Variants in RALYL observed in about 807,000 individuals in gnomAD.
RALYL encodes RNA-binding Raly-like protein.
In RALYL, 29 loss-of-function variants were observed where a neutral mutation model predicts 35.1. The ratio of observed to expected loss-of-function variants is 0.83; its 90% confidence interval spans 0.61 to 1.13. RALYL has a LOEUF of 1.13. Among genes scored for constraint, RALYL ranks in the 50% most tolerant of loss-of-function variants. RALYL has a pLI of 0.00. For synonymous variants in RALYL, 120 were observed against 127.6 expected, an observed-to-expected ratio of 0.94 and a Z score of 0.40; for missense variants, 359 against 360.4, an observed-to-expected ratio of 1.00 and a Z score of 0.03.
At chr8:84,243,511 T>TG (rs1828443040) in intron 1 of RALYL, among the ~76,000 whole-genome samples, 1 of 149,444 alleles carries the variant, frequency 6.7e-6, no homozygotes, top group Non-Finnish European at 1.5e-5. Flanking sequence ...CTTTTTTTTT[T>TG]TTTTTTTTTT....
intron 8 of RALYL, among the ~76,000 whole-genome samples, chr8:84,907,318 A>T (rs879268646): frequency 0.029 from 3,126 of 109,270 alleles, 67 homozygotes; most frequent in East Asian, 0.11. Context: ...CGTCACACAC[A>T]CACACACACA....
intron 1 of RALYL, among the ~76,000 whole-genome samples, chr8:84,200,284 A>G (rs762261295): frequency 1.3e-5 from 2 of 152,146 alleles, no homozygotes; most frequent in Admixed American, 6.6e-5. Flanking sequence ...TGAGACTGAT[A>G]TAGGATAGCA....
chr8:84,386,419 T>C (rs924493482), intron 1 of RALYL, among the ~76,000 whole-genome samples: 2 of 151,944 alleles, frequency 1.3e-5, no homozygotes, highest in Non-Finnish European at 2.9e-5. Flanking sequence ...GGTAATATAA[T>C]TGTTAATTTT....
At position 84,335,191 on chromosome 8, in the gene RALYL, A is replaced by G. The variant is rs1002145666; in HGVS notation, c.-24+150767A>G. On this transcript the variant is annotated intron_variant, in intron 1 of 8. Transcript: ENST00000521268. ...TGGAACATCTCCACAGCCTTCAGAG[A>G]TTCCTCACAAGAGCTTCTGGTTGCA... 4.6e-5 allele frequency among the ~76,000 whole-genome samples: 7 copies of G among 152,226 alleles called. No homozygotes were observed. In the South Asian group the frequency reaches 1.0e-3, roughly 23 times the overall value.
intron 7 of RALYL, among the ~76,000 whole-genome samples, chr8:84,886,224 AATT>A: frequency 6.6e-6 from 1 of 152,166 alleles, no homozygotes; most frequent in East Asian, 1.9e-4. Context: ...TTATAAAAGT[AATT>A]ATTATTTTAA....
chr8:84,602,355 G>C (rs1482127035), intron 2 of RALYL, among the ~76,000 whole-genome samples: 2 of 152,002 alleles, frequency 1.3e-5, no homozygotes, highest in Non-Finnish European at 2.9e-5. Context: ...ACCACATTCT[G>C]TTCAATTGTA....
chr8:84,536,309 A>G (rs1249866768), intron 2 of RALYL, among the ~76,000 whole-genome samples: 2 of 152,216 alleles, frequency 1.3e-5, no homozygotes, highest in Non-Finnish European at 2.9e-5. Flanking sequence ...GCTCAGGACG[A>G]TCTTCAAATA....
At chr8:84,507,725 A>G (rs1230889901) in intron 1 of RALYL, among the ~76,000 whole-genome samples, 2 of 152,150 alleles carry the variant, frequency 1.3e-5, no homozygotes, top group Admixed American at 6.6e-5. Context: ...CCTTGTATCC[A>G]CAGAGGTTTG....
At chr8:84,471,740 T>C (rs965310998) in intron 1 of RALYL, among the ~76,000 whole-genome samples, 1 of 152,184 alleles carries the variant, frequency 6.6e-6, no homozygotes, top group Non-Finnish European at 1.5e-5. Flanking sequence ...TTGACAAATT[T>C]CTTAAACATT....
chr8:84,412,277 A>T (rs577847958), intron 1 of RALYL, among the ~76,000 whole-genome samples: 2 of 152,044 alleles, frequency 1.3e-5, no homozygotes, highest in South Asian at 2.1e-4. Flanking sequence ...AATTTGGAAA[A>T]TCAGGCAAGC....
At chr8:84,724,760 A>G (rs965084493) in intron 2 of RALYL, among the ~76,000 whole-genome samples, 2 of 151,906 alleles carry the variant, frequency 1.3e-5, no homozygotes, top group Admixed American at 6.6e-5. Context: ...AAGATTTTGT[A>G]GGCAAATTTC....
intron 4 of RALYL, among the ~76,000 whole-genome samples, chr8:84,840,546 G>A (rs1021160386): frequency 2.0e-5 from 3 of 152,178 alleles, no homozygotes; most frequent in Non-Finnish European, 4.4e-5. Flanking sequence ...ACACTCTGCA[G>A]GATATTATCC....
intron 1 of RALYL, among the ~76,000 whole-genome samples, chr8:84,277,570 A>T (rs190695955): frequency 6.6e-6 from 1 of 152,228 alleles, no homozygotes; most frequent in Non-Finnish European, 1.5e-5. Flanking sequence ...CCAAAGTCAC[A>T]TCTGAGACAA....
chr8:84,763,133 G>A (rs554759708), intron 2 of RALYL, among the ~76,000 whole-genome samples: 54 of 151,932 alleles, frequency 3.6e-4, no homozygotes, highest in Non-Finnish European at 1.9e-4. Flanking sequence ...TAGCAGCCTC[G>A]GTTTTTTAAA....
At chr8:84,864,812 G>T in intron 6 of RALYL, 1 of 610,660 alleles carries the variant, frequency 1.6e-6, no homozygotes, top group Non-Finnish European at 3.1e-6. Context: ...GAGCTTCTGT[G>T]TAGTAGTCAA....
chr8:84,223,220 T>A, intron 1 of RALYL, among the ~76,000 whole-genome samples: 1 of 51,702 alleles, frequency 1.9e-5, no homozygotes, highest in South Asian at 6.5e-4. Context: ...TCCCTTCCCT[T>A]CCCTTCCCTT....
chr8:84,515,382 T>A (rs1566792), intron 1 of RALYL, among the ~76,000 whole-genome samples: 1 of 151,978 alleles, frequency 6.6e-6, no homozygotes, highest in Admixed American at 6.6e-5. Context: ...TTATATATAC[T>A]GTCTTAAAAT....
intron 2 of RALYL, among the ~76,000 whole-genome samples, chr8:84,739,711 G>A (rs921832656): frequency 3.3e-5 from 5 of 151,790 alleles, no homozygotes; most frequent in African/African-American, 1.2e-4. Context: ...AATTTAAGTG[G>A]TTCACTTGAA....
intron 1 of RALYL, among the ~76,000 whole-genome samples, chr8:84,407,208 C>T (rs1443615690): frequency 6.6e-6 from 1 of 152,038 alleles, no homozygotes; most frequent in Non-Finnish European, 1.5e-5. Context: ...TGAAATCAGG[C>T]ACTGCATAAA....
Sources: allele counts gnomAD v4.1 joint callset (sites outside exome capture counted in the v4.1 genomes callset), GRCh38; gene constraint gnomAD v4.1.1; transcripts MANE v1.5; gene names NCBI Gene and HGNC (gene_info 2026-07-23, HGNC 2026-07-21).